The following KCTD8 variants were observed in gnomAD, a reference collection of about 807,000 sequenced individuals.
The protein encoded by KCTD8 is BTB/POZ domain-containing protein KCTD8.
A neutral mutation model predicts 31.5 loss-of-function variants in KCTD8; 27 were observed. The observed-to-expected ratio is 0.86, with a 90% confidence interval of 0.63 to 1.18. KCTD8 has a LOEUF of 1.18. KCTD8 is among the 50% of genes most tolerant of loss of function. The pLI is 0.00. For synonymous variants in KCTD8, 290 were observed against 280.0 expected (o/e 1.04, Z -0.36); for missense variants, 658 against 647.7 (o/e 1.02, Z -0.17).
At chr4:44,281,527 CTGAT>C (rs1560414606) in intron 1 of KCTD8, among the ~76,000 whole-genome samples, 1 of 152,120 alleles carries the variant, frequency 6.6e-6, no homozygotes, top group Non-Finnish European at 1.5e-5. Flanking sequence ...TGGGGTCTGA[CTGAT>C]AAGAATTTTC....
chr4:44,264,970 A>T (rs560963536), intron 1 of KCTD8, among the ~76,000 whole-genome samples: 5 of 152,308 alleles, frequency 3.3e-5, no homozygotes, highest in Admixed American at 3.3e-4. Flanking sequence ...CAGGGCACAG[A>T]CAAACAAAAA....
chr4:44,304,737 C>G lies in KCTD8; in HGVS notation c.962-129487G>C, dbSNP rs927050283. Among the ~76,000 whole-genome samples, 3 of 152,218 alleles carry G rather than the reference C, an allele frequency of 2.0e-5. No homozygotes were observed. In the South Asian group the frequency reaches 6.2e-4, roughly 32 times the overall value. On this transcript the variant is annotated intron_variant, in intron 1 of 1. Transcript: ENST00000360029. Reference sequence around the variant, plus strand: ...TATTTAAGAACAGTTAGCAAACACTCTTTGTTTTTACAAAGCCCAAGGTGA... The same window carrying G: ...TATTTAAGAACAGTTAGCAAACACTGTTTGTTTTTACAAAGCCCAAGGTGA...
At position 44,412,439 on chromosome 4, in the gene KCTD8, A is replaced by G. The variant is rs1429189727; in HGVS notation, c.961+35124T>C. Among the ~76,000 whole-genome samples, 3 of 152,208 alleles carry G rather than the reference A, an allele frequency of 2.0e-5. No individual in the cohort carries two copies. The East Asian group carries it at 5.8e-4, about 29-fold the overall frequency. Reference sequence around the variant, plus strand: ...ATGCAGAACTACTATTCTGGTGAAGAAAGAATAGTTTGTTGGAATATAGTT... The same window carrying G: ...ATGCAGAACTACTATTCTGGTGAAGGAAGAATAGTTTGTTGGAATATAGTT... On this transcript the variant is annotated intron_variant, in intron 1 of 1. Transcript: ENST00000360029.
In KCTD8 at chr4:44,267,728, C is replaced by A. The variant is rs560134326; in HGVS notation, c.962-92478G>T. 2.6e-5 allele frequency among the ~76,000 whole-genome samples: 4 copies of A among 152,258 alleles called. No individual in the cohort carries two copies. The East Asian group carries it at 7.7e-4, about 29-fold the overall frequency. The stretch of plus-strand genomic sequence containing the variant: ...AAAGGGGATATCACCACTGATCCCA[C>A]AGAAATACAAATTACCATCAGAGAA... On this transcript the variant is annotated intron_variant, in intron 1 of 1. Coordinates refer to ENST00000360029, the MANE Select transcript of KCTD8 (RefSeq NM_198353.3).
intron 1 of KCTD8, among the ~76,000 whole-genome samples, chr4:44,419,491 A>G (rs1721159402): frequency 6.6e-6 from 1 of 152,164 alleles, no homozygotes. Flanking sequence ...GGAACCTTCT[A>G]TGGGGTACAT....
chr4:44,447,177 T>C (rs551605027), intron 1 of KCTD8, among the ~76,000 whole-genome samples: 6 of 152,342 alleles, frequency 3.9e-5, no homozygotes, highest in Admixed American at 3.3e-4. Flanking sequence ...CCAGCAGTCC[T>C]GCAAAAGCAA....
chr4:44,381,908 C>T (rs1457931387), intron 1 of KCTD8, among the ~76,000 whole-genome samples: 2 of 151,730 alleles, frequency 1.3e-5, no homozygotes, highest in East Asian at 3.9e-4. Context: ...CCAATTAAAC[C>T]TATTTTCTTT....
At chr4:44,203,492 T>C (rs1577828608) in intron 1 of KCTD8, among the ~76,000 whole-genome samples, 1 of 114,182 alleles carries the variant, frequency 8.8e-6, no homozygotes, top group Non-Finnish European at 1.7e-5. Context: ...CGAGACTCCA[T>C]CTCAAAAAAA....
intron 1 of KCTD8, among the ~76,000 whole-genome samples, chr4:44,244,087 C>T (rs1448200262): frequency 2.6e-5 from 4 of 152,194 alleles, no homozygotes; most frequent in Non-Finnish European, 4.4e-5. Context: ...TCTTATACTA[C>T]AGATCATTCC....
intron 1 of KCTD8, among the ~76,000 whole-genome samples, chr4:44,419,865 A>G (rs942685157): frequency 6.6e-6 from 1 of 152,062 alleles, no homozygotes; most frequent in Non-Finnish European, 1.5e-5. Context: ...ATGAAAAATT[A>G]AAAAAAGGAA....
At chr4:44,227,690 A>G (rs1560400067) in intron 1 of KCTD8, among the ~76,000 whole-genome samples, 1 of 152,214 alleles carries the variant, frequency 6.6e-6, no homozygotes, top group Non-Finnish European at 1.5e-5. Context: ...CCATTTAGAA[A>G]TATTTGTCAA....
intron 1 of KCTD8, among the ~76,000 whole-genome samples, chr4:44,200,481 C>T (rs528459111): frequency 1.3e-4 from 20 of 152,058 alleles, no homozygotes; most frequent in East Asian, 9.7e-4. Flanking sequence ...GCTTTATCTC[C>T]GGGATGCAAG....
intron 1 of KCTD8, among the ~76,000 whole-genome samples, chr4:44,330,606 G>A (rs1718569548): frequency 6.6e-6 from 1 of 151,754 alleles, no homozygotes; most frequent in Non-Finnish European, 1.5e-5. Flanking sequence ...AAAGAGACCT[G>A]GTAATAAATG....
intron 1 of KCTD8, chr4:44,293,376 C>T: frequency 2.3e-6 from 1 of 429,342 alleles, no homozygotes; most frequent in Non-Finnish European, 4.6e-6. Flanking sequence ...ATTTATCTGC[C>T]ATACTTAATG....
chr4:44,289,692 G>A (rs147487858), intron 1 of KCTD8, among the ~76,000 whole-genome samples: 4 of 152,256 alleles, frequency 2.6e-5, no homozygotes, highest in South Asian at 2.1e-4. Context: ...GTGGGGGTGT[G>A]TGGGGGGTCT....
chr4:44,400,413 GA>G (rs550905444), intron 1 of KCTD8, among the ~76,000 whole-genome samples: 9,120 of 145,130 alleles, frequency 0.063, 892 homozygotes, highest in African/African-American at 0.21. Context: ...AGACTGGAGA[GA>G]AAAAAAAAAA....
intron 1 of KCTD8, among the ~76,000 whole-genome samples, chr4:44,376,928 T>C (rs1719928258): frequency 6.6e-6 from 1 of 152,168 alleles, no homozygotes; most frequent in East Asian, 1.9e-4. Flanking sequence ...ACTGGGTTGG[T>C]TGAGTACATG....
intron 1 of KCTD8, among the ~76,000 whole-genome samples, chr4:44,429,978 C>CA (rs1721435298): frequency 6.6e-6 from 1 of 151,292 alleles, no homozygotes; most frequent in Non-Finnish European, 1.5e-5. Context: ...AAGAAAAAGA[C>CA]AAAGACATTT....
chr4:44,214,534 C>A (rs1014074769), intron 1 of KCTD8, among the ~76,000 whole-genome samples: 1 of 152,126 alleles, frequency 6.6e-6, no homozygotes, highest in African/African-American at 2.4e-5. Flanking sequence ...AAATCTATAG[C>A]AAACTATTAA....
Sources: gnomAD v4.1 joint callset for allele counts (sites outside exome capture counted in the v4.1 genomes callset) on GRCh38, gnomAD v4.1.1 for gene constraint, MANE v1.5 for transcripts, NCBI Gene and HGNC (gene_info 2026-07-23, HGNC 2026-07-21) for gene names.